Variants in AP2A1 observed in about 807,000 individuals in gnomAD.
AP2A1 encodes the protein AP-2 complex subunit alpha-1.
In AP2A1, 21 loss-of-function variants were observed where a neutral mutation model predicts 107.3. The ratio of observed to expected loss-of-function variants is 0.20; its 90% confidence interval spans 0.14 to 0.28. The LOEUF is 0.28. AP2A1 is among the 10% of genes least tolerant of loss of function. The pLI is 1.00. For missense variants in AP2A1, 873 were observed against 1,307.7 expected (o/e 0.67, Z 5.13); for synonymous variants, 602 against 564.8 (o/e 1.07, Z -0.93).
chr19:49,780,950 C>T (rs780134740), intron 1 of AP2A1, among the ~76,000 whole-genome samples: 4 of 152,138 alleles, frequency 2.6e-5, no homozygotes, highest in South Asian at 2.1e-4. Flanking sequence ...GAAGAGGGAA[C>T]GGTAGAACCT....
intron 4 of AP2A1, 128 bp downstream of exon 4, chr19:49,782,852 T>C: frequency 8.7e-7 from 1 of 1,144,070 alleles, no homozygotes; most frequent in Non-Finnish European, 1.2e-6. Context: ...AACGCTGGGC[T>C]GGGGACCCAG....
At chr19:49,797,082 AC>A (rs1235411127) in intron 7 of AP2A1, 1 of 151,970 alleles carries the variant, frequency 6.6e-6, no homozygotes, top group Non-Finnish European at 1.5e-5. Flanking sequence ...GCCCATGACC[AC>A]CCCAGAAGGC....
intron 4 of AP2A1, among the ~76,000 whole-genome samples, chr19:49,784,302 C>T (rs1424220122): frequency 6.6e-6 from 1 of 152,118 alleles, no homozygotes; most frequent in Non-Finnish European, 1.5e-5. Context: ...TGGCACATGC[C>T]TGTAATCCCA....
Position 49,800,022 on chromosome 19 carries a change from G to A in AP2A1, c.1327G>A (p.Val443Met), listed in dbSNP as rs763624613. The A allele has an allele frequency of 3.7e-6, 6 of 1,613,922 alleles. No individual in the cohort carries two copies. The highest frequency in any genetic ancestry group is 2.2e-5 in the East Asian group (1 of 44,898). ...GTACGCCGTGGACTACAGCTGGTAC[G>A]TGGACACCATCCTCAACCTCATCCG... ...EKYAVDYSWY[V>M]DTILNLIRIA... is the part of the protein sequence containing the mutation. The change falls in exon 11 of 23, where the codon GTG becomes ATG. Residue 443 changes from valine (V) to methionine (M), a missense_variant. This residue lies in a region of AP2A1 where 213 missense variants were observed against 443.5 expected (regional missense o/e 0.48). Transcript: ENST00000354293.
At chr19:49,803,231 T>C (rs915935221) in intron 17 of AP2A1, 42 bp downstream of exon 17, 4 of 1,613,500 alleles carry the variant, frequency 2.5e-6, no homozygotes, top group Non-Finnish European at 3.4e-6. Context: ...GAGGGAGACC[T>C]TGGGGAAGGG....
chr19:49,786,428 C>T (rs755726152), intron 4 of AP2A1, among the ~76,000 whole-genome samples: 2 of 152,168 alleles, frequency 1.3e-5, no homozygotes, highest in South Asian at 4.1e-4. Context: ...TCAGTTTGGA[C>T]TCGCTGCAGT....
Position 49,805,520 on chromosome 19 carries a change from C to A in AP2A1, c.2412C>A (p.Leu804=), listed in dbSNP as rs1357233983. The change falls in exon 19 of 23, where the codon CTC becomes CTA. Residue 804 remains leucine (L), a synonymous_variant. Transcript: ENST00000354293. Reference sequence around the variant, plus strand: ...GCGGCGCGCAGGTGCAGCAGGTGCTCAATATCGAGTGCCTGCGGGACTTCC... The same window carrying A: ...GCGGCGCGCAGGTGCAGCAGGTGCTAAATATCGAGTGCCTGCGGGACTTCC... ...VDGGAQVQQV[L]NIECLRDFLT... is the part of the protein sequence containing the mutation. 6.4e-7 allele frequency: 1 copy of A among 1,570,756 alleles called. No homozygotes were observed. Among genetic ancestry groups the A allele is most frequent in the South Asian group, 1.2e-5 (1 of 85,646 alleles).
chr19:49,781,684 G>A (rs1054143443), intron 1 of AP2A1, 73 bp from the exon 2 acceptor site: 67 of 1,456,226 alleles, frequency 4.6e-5, no homozygotes, highest in Admixed American at 2.0e-4. Context: ...GGGTGGGGCC[G>A]CGCCTAGGAA....
chr19:49,793,783 C>T (rs530005287), intron 6 of AP2A1, among the ~76,000 whole-genome samples: 21 of 151,866 alleles, frequency 1.4e-4, no homozygotes, highest in Admixed American at 6.6e-4. Flanking sequence ...CTGGGGGCGG[C>T]GATCCCAGAA....
In AP2A1 at chr19:49,799,722, C is replaced by T; in HGVS notation, c.1228C>T (p.Leu410=). 1 of 1,613,480 alleles carries T rather than the reference C, an allele frequency of 6.2e-7. No individual in the cohort carries two copies. Among genetic ancestry groups the T allele is most frequent in the Non-Finnish European group, 8.5e-7 (1 of 1,179,890 alleles). The change falls in exon 10 of 23, where the codon CTG becomes TTG. Residue 410 remains leucine, a synonymous_variant. Transcript: ENST00000354293. ...SNAKQIVSEM[L]RYLETADYAI... Reference sequence around the variant, plus strand: ...TGCCAAGCAGATCGTGTCGGAGATGCTGCGGTACCTGGAGACGGCAGACTA... The same window carrying T: ...TGCCAAGCAGATCGTGTCGGAGATGTTGCGGTACCTGGAGACGGCAGACTA...
chr19:49,790,469 C>T (rs1046833292), intron 4 of AP2A1, among the ~76,000 whole-genome samples: 1 of 152,190 alleles, frequency 6.6e-6, no homozygotes, highest in Non-Finnish European at 1.5e-5. Flanking sequence ...GCTCTGCCAC[C>T]CAGGCTGCAG....
intron 1 of AP2A1, among the ~76,000 whole-genome samples, chr19:49,776,611 G>A (rs551851481): frequency 7.5e-5 from 11 of 146,940 alleles, no homozygotes; most frequent in African/African-American, 2.3e-4. Flanking sequence ...CTTGCCTCCT[G>A]TGACAGTGAG....
At chr19:49,770,326 C>T (rs1226442019) in intron 1 of AP2A1, among the ~76,000 whole-genome samples, 2 of 152,082 alleles carry the variant, frequency 1.3e-5, no homozygotes, top group East Asian at 3.9e-4. Flanking sequence ...GTAATTTAGC[C>T]ACAGGAATTA....
At chr19:49,779,336 CA>C (rs34194805) in intron 1 of AP2A1, among the ~76,000 whole-genome samples, 42,941 of 79,560 alleles carry the variant, frequency 0.54, 8,122 homozygotes, top group East Asian at 0.66. Flanking sequence ...GACTCCGTCT[CA>C]AAAAAAAAAA....
chr19:49,801,078 C>T lies in AP2A1; in HGVS notation c.1553+20C>T, dbSNP rs779319528. ...CTCCAGGTGAGGGAGCCTCAGCCTG[C>T]AGGGGAGAACACACATGCTTCTGAG... is the stretch of plus-strand genomic sequence containing the variant. On this transcript the variant is annotated intron_variant, in intron 12 of 22. Transcript: ENST00000354293. The T allele has an allele frequency of 1.5e-5, 23 of 1,581,262 alleles. No individual in the cohort carries two copies. Among genetic ancestry groups the T allele is most frequent in the Non-Finnish European group, 2.0e-5 (23 of 1,162,478 alleles).
At chr19:49,773,746 CAG>C (rs2084589132) in intron 1 of AP2A1, among the ~76,000 whole-genome samples, 1 of 152,068 alleles carries the variant, frequency 6.6e-6, no homozygotes, top group Non-Finnish European at 1.5e-5. Context: ...ATAGGCTGGT[CAG>C]AGAGTGTCGC....
Position 49,793,031 on chromosome 19 carries a change from G to T in AP2A1, c.644G>T (p.Cys215Phe). 2 of 1,610,538 alleles carry T rather than the reference G, an allele frequency of 1.2e-6. No homozygotes were observed. The highest frequency in any genetic ancestry group is 1.7e-6 in the Non-Finnish European group (2 of 1,178,502). The change falls in exon 6 of 23, where the codon TGC becomes TTC. Residue 215 changes from cysteine (C) to phenylalanine (F), a missense_variant. Transcript: ENST00000354293. Reference sequence around the variant, plus strand: ...GCCGTCAGCCTCATCACCTGTCTCTGCAAGAAGAACCCAGATGACTTCAAG... The same window carrying T: ...GCCGTCAGCCTCATCACCTGTCTCTTCAAGAAGAACCCAGATGACTTCAAG... ...TAAVSLITCL[C>F]KKNPDDFKTC...
rs184487384 is a variant in AP2A1 at position 49,776,501 on chromosome 19, G to T, written c.68-5256G>T. The stretch of plus-strand genomic sequence containing the variant: ...CTGTCTGCCACCACTCCAATCCAGG[G>T]ATGCCTCGAGAGCAGGGTAGATGTG... On this transcript the variant is annotated intron_variant, in intron 1 of 22. Transcript: ENST00000354293. Among the ~76,000 whole-genome samples the T allele has an allele frequency of 1.3e-3, 198 of 152,256 alleles. 1 individual carries two copies. Among genetic ancestry groups the T allele is most frequent in the African/African-American group, 4.6e-3 (193 of 41,564 alleles).
intron 7 of AP2A1, chr19:49,796,882 CGT>C (rs1204931874): frequency 6.6e-6 from 1 of 152,278 alleles, no homozygotes; most frequent in Non-Finnish European, 1.5e-5. Context: ...CCAGCATCTA[CGT>C]GTGTCCATGC....
Sources: allele counts gnomAD v4.1 joint callset (sites outside exome capture counted in the v4.1 genomes callset), GRCh38; gene constraint gnomAD v4.1.1; regional missense constraint gnomAD v4.1.1; transcripts MANE v1.5; gene names NCBI Gene and HGNC (gene_info 2026-07-23, HGNC 2026-07-21).